CADM2: variants seen among roughly 807,000 people sequenced by gnomAD.
CADM2 encodes immunoglobulin superfamily member 4D.
CADM2 carries 12 observed loss-of-function variants against 49.8 expected under a neutral mutation model. The ratio of observed to expected loss-of-function variants is 0.24; its 90% CI spans 0.15 to 0.39. The LOEUF is 0.39. CADM2 is among the 10% of genes least tolerant of loss of function. CADM2 has a pLI of 1.00. For missense variants in CADM2, 378 were observed against 492.3 expected (o/e 0.77, Z 2.20); for synonymous variants, 214 against 175.4 (o/e 1.22, Z -1.74).
intron 1 of CADM2, among the ~76,000 whole-genome samples, chr3:85,212,860 T>TC (rs1559723747): frequency 8.7e-5 from 10 of 114,928 alleles, no homozygotes; most frequent in Admixed American, 1.8e-4. Context: ...CTTTCTTTCT[T>TC]TCTTTCTTTC....
Position 85,233,262 on chromosome 3 carries a change from G to A in CADM2, c.61+273594G>A, listed in dbSNP as rs540405269. On this transcript the variant is annotated intron_variant, in intron 1 of 9. Coordinates refer to ENST00000383699, the MANE Select transcript of CADM2 (RefSeq NM_001167675.2). ...AAGGAGGGAGGGATAAATAGGTGGCGTACAGGGTGGTTTTAGGTCAGTGAA... is the reference window on the plus strand; with the variant it reads ...AAGGAGGGAGGGATAAATAGGTGGCATACAGGGTGGTTTTAGGTCAGTGAA... Among the ~76,000 whole-genome samples the A allele has an allele frequency of 2.0e-4, 30 of 152,154 alleles. No individual in the cohort carries two copies. In the East Asian group the frequency reaches 3.5e-3, roughly 18 times the overall value.
chr3:85,036,794 T>C (rs1053003838), intron 1 of CADM2, among the ~76,000 whole-genome samples: 2 of 151,988 alleles, frequency 1.3e-5, no homozygotes, highest in Non-Finnish European at 2.9e-5. Flanking sequence ...TAAGAAAAAC[T>C]GAACCCACCC....
chr3:85,450,736 C>A (rs773871759), intron 1 of CADM2, among the ~76,000 whole-genome samples: 1 of 151,864 alleles, frequency 6.6e-6, no homozygotes, highest in Non-Finnish European at 1.5e-5. Flanking sequence ...AAACAAATTA[C>A]CTTTATCAAA....
Position 85,802,212 on chromosome 3 carries a change from T to C in CADM2, c.238+16T>C. 2 of 1,596,924 alleles carry C rather than the reference T, an allele frequency of 1.3e-6. No individual in the cohort carries two copies. Among genetic ancestry groups the C allele is most frequent in the Admixed American group, 1.7e-5 (1 of 57,640 alleles). On this transcript the variant is annotated intron_variant, in intron 3 of 9. Coordinates refer to ENST00000383699, the MANE Select transcript of CADM2 (RefSeq NM_001167675.2). ...GACAAGAAAGGTGAATACATTTTCTTTCAAATGTTTTAATCGTATTCTAAA... is the reference window on the plus strand; with the variant it reads ...GACAAGAAAGGTGAATACATTTTCTCTCAAATGTTTTAATCGTATTCTAAA...
intron 8 of CADM2, among the ~76,000 whole-genome samples, chr3:85,999,323 G>A (rs1011404691): frequency 2.0e-5 from 3 of 151,764 alleles, no homozygotes; most frequent in Admixed American, 2.0e-4. Flanking sequence ...GGTCAACATG[G>A]TGAAACCCCC....
At chr3:85,504,927 C>A (rs1576673675) in intron 1 of CADM2, among the ~76,000 whole-genome samples, 1 of 152,140 alleles carries the variant, frequency 6.6e-6, no homozygotes, top group African/African-American at 2.4e-5. Context: ...GGGTGCTAAG[C>A]CCCTCATTGC....
At chr3:85,135,280 G>A (rs1545926) in intron 1 of CADM2, among the ~76,000 whole-genome samples, 65,331 of 151,640 alleles carry the variant, frequency 0.43, 15,633 homozygotes, top group Non-Finnish European at 0.55. Flanking sequence ...CACTGGTAAT[G>A]TAAACCTTTG....
intron 1 of CADM2, among the ~76,000 whole-genome samples, chr3:85,259,570 T>A (rs978273338): frequency 6.6e-6 from 1 of 152,084 alleles, no homozygotes; most frequent in Non-Finnish European, 1.5e-5. Context: ...TTTACAAACT[T>A]TATATGCCAC....
At chr3:84,963,964 A>G (rs2030769986) in intron 1 of CADM2, among the ~76,000 whole-genome samples, 1 of 152,176 alleles carries the variant, frequency 6.6e-6, no homozygotes, top group Admixed American at 6.5e-5. Flanking sequence ...ACTGTGGCTT[A>G]AATAGTCAAA....
intron 1 of CADM2, among the ~76,000 whole-genome samples, chr3:85,360,896 G>A (rs1315532415): frequency 6.6e-6 from 1 of 152,128 alleles, no homozygotes; most frequent in Non-Finnish European, 1.5e-5. Flanking sequence ...CAGCTACAGG[G>A]AACCATCAGC....
intron 2 of CADM2, among the ~76,000 whole-genome samples, chr3:85,778,529 T>C (rs574334125): frequency 2.2e-4 from 33 of 152,210 alleles, no homozygotes; most frequent in African/African-American, 7.7e-4. Flanking sequence ...GCATTTCCCC[T>C]GCTTGCACTC....
At chr3:85,331,323 TATCTCA>T (rs1483064948) in intron 1 of CADM2, among the ~76,000 whole-genome samples, 1 of 149,968 alleles carries the variant, frequency 6.7e-6, no homozygotes, top group Non-Finnish European at 1.5e-5. Context: ...TTCTACTCTC[TATCTCA>T]ATTTATTCAT....
intron 1 of CADM2, among the ~76,000 whole-genome samples, chr3:84,985,076 G>A (rs1325676751): frequency 6.6e-6 from 1 of 152,104 alleles, no homozygotes; most frequent in Non-Finnish European, 1.5e-5. Flanking sequence ...GTGGGTTTAT[G>A]TTTTGGGCTG....
At chr3:85,023,502 A>G (rs1242514623) in intron 1 of CADM2, among the ~76,000 whole-genome samples, 1 of 151,974 alleles carries the variant, frequency 6.6e-6, no homozygotes, top group Non-Finnish European at 1.5e-5. Flanking sequence ...CTAGTGGTAT[A>G]GATTGGATTT....
At chr3:84,983,042 C>G (rs1409092182) in intron 1 of CADM2, among the ~76,000 whole-genome samples, 1 of 151,772 alleles carries the variant, frequency 6.6e-6, no homozygotes. Flanking sequence ...CCACTGCGCC[C>G]GGCCAAGAAT....
intron 1 of CADM2, among the ~76,000 whole-genome samples, chr3:85,715,330 G>A (rs1400749199): frequency 6.6e-6 from 1 of 152,122 alleles, no homozygotes; most frequent in Non-Finnish European, 1.5e-5. Context: ...TGAGCAAAAA[G>A]TATTTTTTTA....
intron 8 of CADM2, among the ~76,000 whole-genome samples, chr3:86,011,644 AGTCCTT>A (rs1731527139): frequency 1.3e-5 from 2 of 152,142 alleles, no homozygotes; most frequent in South Asian, 4.1e-4. Context: ...AAATTTTAGA[AGTCCTT>A]GCACAATTGG....
At chr3:85,485,291 A>G (rs534732768) in intron 1 of CADM2, among the ~76,000 whole-genome samples, 1 of 152,020 alleles carries the variant, frequency 6.6e-6, no homozygotes, top group African/African-American at 2.4e-5. Flanking sequence ...TGAAGATAAA[A>G]TTGCGGTTTA....
At chr3:85,964,113 T>C (rs2108622636) in intron 8 of CADM2, among the ~76,000 whole-genome samples, 1 of 151,966 alleles carries the variant, frequency 6.6e-6, no homozygotes, top group East Asian at 1.9e-4. Flanking sequence ...TACTCTCTTC[T>C]TTTAATGGTT....
Sources: gnomAD v4.1 joint callset for allele counts (sites outside exome capture counted in the v4.1 genomes callset) on GRCh38, gnomAD v4.1.1 for gene constraint, MANE v1.5 for transcripts, NCBI Gene and HGNC (gene_info 2026-07-23, HGNC 2026-07-21) for gene names.